Variants in GALNTL6 observed in about 807,000 individuals in gnomAD.
GALNTL6 encodes the protein polypeptide N-acetylgalactosaminyltransferase like 6.
GALNTL6 carries 46 observed loss-of-function variants against 73.7 expected under a neutral mutation model. The observed-to-expected ratio is 0.62, with a 90% CI of 0.49 to 0.80. The LOEUF is 0.80. Among genes scored for constraint, GALNTL6 ranks in the 30% least tolerant of loss-of-function variants. The pLI is 0.00. For synonymous variants in GALNTL6, 259 were observed against 263.7 expected (o/e 0.98, Z 0.17); for missense variants, 604 against 755.0 (o/e 0.80, Z 2.34).
chr4:172,529,735 G>A (rs1374039628), intron 5 of GALNTL6, among the ~76,000 whole-genome samples: 3 of 151,790 alleles, frequency 2.0e-5, no homozygotes, highest in Non-Finnish European at 4.4e-5. Context: ...ACCCAGGATG[G>A]AGTGTAATGG....
At chr4:172,313,769 G>A (rs1391220969) in intron 4 of GALNTL6, among the ~76,000 whole-genome samples, 1 of 152,166 alleles carries the variant, frequency 6.6e-6, no homozygotes, top group African/African-American at 2.4e-5. Context: ...AATAGGACAA[G>A]TGGTCATGTA....
At chr4:172,865,775 C>T (rs2111149621) in intron 7 of GALNTL6, among the ~76,000 whole-genome samples, 1 of 152,230 alleles carries the variant, frequency 6.6e-6, no homozygotes, top group Non-Finnish European at 1.5e-5. Context: ...CTCTAGTTTC[C>T]TCATGCCCTG....
At chr4:171,929,860 A>G (rs1738118938) in intron 2 of GALNTL6, among the ~76,000 whole-genome samples, 2 of 152,208 alleles carry the variant, frequency 1.3e-5, no homozygotes, top group Non-Finnish European at 1.5e-5. Context: ...AGCTCCCTGG[A>G]AAACGCGAGA....
chr4:172,473,257 A>T (rs927411256), intron 5 of GALNTL6, among the ~76,000 whole-genome samples: 3 of 152,066 alleles, frequency 2.0e-5, no homozygotes, highest in African/African-American at 4.8e-5. Flanking sequence ...CCTACTCTCT[A>T]TTGGCTCACT....
At chr4:172,423,093 T>G (rs1731107456) in intron 5 of GALNTL6, among the ~76,000 whole-genome samples, 1 of 151,886 alleles carries the variant, frequency 6.6e-6, no homozygotes, top group African/African-American at 2.4e-5. Flanking sequence ...GTTTCTAGCA[T>G]TTTAATGCAA....
chr4:172,897,657 G>A (rs1746400713), intron 8 of GALNTL6, among the ~76,000 whole-genome samples: 1 of 152,150 alleles, frequency 6.6e-6, no homozygotes, highest in Non-Finnish European at 1.5e-5. Context: ...ACGTACGTTG[G>A]TGTTGGTCCA....
At chr4:171,998,400 C>T (rs1249998528) in intron 2 of GALNTL6, among the ~76,000 whole-genome samples, 1 of 152,030 alleles carries the variant, frequency 6.6e-6, no homozygotes, top group Non-Finnish European at 1.5e-5. Flanking sequence ...CCACTTGCTG[C>T]CTCTCCACAT....
intron 5 of GALNTL6, among the ~76,000 whole-genome samples, chr4:172,771,961 G>T (rs1396518315): frequency 5.3e-5 from 8 of 152,084 alleles, no homozygotes; most frequent in African/African-American, 1.9e-4. Context: ...CCGAGATTGG[G>T]CAATTTACAG....
intron 5 of GALNTL6, among the ~76,000 whole-genome samples, chr4:172,767,673 T>C (rs1322239497): frequency 6.8e-6 from 1 of 147,196 alleles, no homozygotes; most frequent in African/African-American, 2.5e-5. Context: ...TTTTCTTTTT[T>C]TTTTTTTTTT....
At chr4:172,745,372 T>A (rs1737048862) in intron 5 of GALNTL6, among the ~76,000 whole-genome samples, 1 of 151,446 alleles carries the variant, frequency 6.6e-6, no homozygotes, top group Non-Finnish European at 1.5e-5. Context: ...GTTATTTTAG[T>A]GGTTATTATT....
At chr4:172,205,442 T>C (rs1736078190) in intron 2 of GALNTL6, among the ~76,000 whole-genome samples, 1 of 152,186 alleles carries the variant, frequency 6.6e-6, no homozygotes. Context: ...CCTTTTAGTG[T>C]CCTGAGCGAC....
chr4:172,492,749 G>A (rs966124107), intron 5 of GALNTL6, among the ~76,000 whole-genome samples: 16 of 152,048 alleles, frequency 1.1e-4, no homozygotes, highest in African/African-American at 3.9e-4. Flanking sequence ...GTTGCCTGAA[G>A]AATTACATAA....
chr4:172,271,996 A>G (rs576831503), intron 3 of GALNTL6, among the ~76,000 whole-genome samples: 1 of 152,078 alleles, frequency 6.6e-6, no homozygotes, highest in African/African-American at 2.4e-5. Context: ...TCTATTGCCC[A>G]TGCTGGAGTG....
chr4:172,962,236 C>G (rs905003287), intron 10 of GALNTL6, among the ~76,000 whole-genome samples: 1 of 152,190 alleles, frequency 6.6e-6, no homozygotes, highest in African/African-American at 2.4e-5. Context: ...TCAGTTAAGG[C>G]AGGAACTGGC....
At chr4:171,962,619 C>T (rs1455601782) in intron 2 of GALNTL6, among the ~76,000 whole-genome samples, 1 of 152,044 alleles carries the variant, frequency 6.6e-6, no homozygotes, top group Non-Finnish European at 1.5e-5. Context: ...CACTCCTTTC[C>T]TGGAAAACTC....
chr4:172,830,592 C>G (rs2111052119), intron 7 of GALNTL6, among the ~76,000 whole-genome samples: 1 of 152,266 alleles, frequency 6.6e-6, no homozygotes, highest in Middle Eastern at 3.4e-3. Flanking sequence ...GGCCGGATGC[C>G]CAACGTGTCC....
rs1191533423 is a variant in GALNTL6 at position 172,552,845 on chromosome 4, A to AAAAAAC, written c.553+204161_553+204162insCAAAAA. On this transcript the variant is annotated intron_variant, in intron 5 of 12. Coordinates refer to ENST00000506823, the MANE Select transcript of GALNTL6 (RefSeq NM_001034845.3). ...TGCAAAAGTAATTGCAGTAAAAAAA[A>AAAAAAC]AAAAAAAAAAAAGGTAAAAACCGCA... Among the ~76,000 whole-genome samples, 22 of 149,994 alleles carry AAAAAAC rather than the reference A, an allele frequency of 1.5e-4. 1 individual carries two copies. Among genetic ancestry groups the AAAAAAC allele is most frequent in the Middle Eastern group, 6.8e-3 (2 of 292 alleles).
intron 5 of GALNTL6, among the ~76,000 whole-genome samples, chr4:172,483,382 G>A (rs1239562704): frequency 6.6e-6 from 1 of 152,176 alleles, no homozygotes; most frequent in East Asian, 1.9e-4. Flanking sequence ...AAAATCGGCA[G>A]TAGAAGAGTA....
At chr4:172,832,344 G>T (rs1286477916) in intron 7 of GALNTL6, among the ~76,000 whole-genome samples, 1 of 152,002 alleles carries the variant, frequency 6.6e-6, no homozygotes, top group African/African-American at 2.4e-5. Context: ...GAAAGTACGC[G>T]GTTCCACCAA....
Sources: gnomAD v4.1 joint callset for allele counts (sites outside exome capture counted in the v4.1 genomes callset) on GRCh38, gnomAD v4.1.1 for gene constraint, MANE v1.5 for transcripts, NCBI Gene and HGNC (gene_info 2026-07-23, HGNC 2026-07-21) for gene names.